The following LMO7 variants were observed in gnomAD, a reference collection of about 807,000 sequenced individuals.
LMO7 encodes the protein LIM domain only protein 7.
A neutral mutation model predicts 206.5 loss-of-function variants in LMO7; 120 were observed. That is an observed-to-expected ratio of 0.58 (90% CI 0.50 to 0.68). LMO7 has a LOEUF of 0.68. Ranked by LOEUF, LMO7 falls within the 30% of genes least tolerant of loss-of-function variation. The probability of loss-of-function intolerance (pLI) is 0.00; values close to 1 mark genes in which losing one functional copy is unlikely to be tolerated. For missense variants in LMO7, 1,959 were observed against 1,957.9 expected, an observed-to-expected ratio of 1.00 and a Z score of -0.01; for synonymous variants, 706 against 681.5, an observed-to-expected ratio of 1.04 and a Z score of -0.56.
chr13:75,814,519 A>G (rs903525909), intron 11 of LMO7, among the ~76,000 whole-genome samples: 1 of 152,208 alleles, frequency 6.6e-6, no homozygotes, highest in Non-Finnish European at 1.5e-5. Flanking sequence ...AGCTGGGAAG[A>G]CTTCATCAAA....
chr13:75,843,923 A>G lies in LMO7; in HGVS notation c.4097+1007A>G, dbSNP rs1268150276. On this transcript the variant is annotated intron_variant, in intron 25 of 30. Coordinates refer to ENST00000377534, the MANE Select transcript of LMO7 (RefSeq NM_001306080.2). ...AAAGGGGAAAAGGAAAGGGACAAGC[A>G]GGTAGTAATGGGCTGACAATAAGCT... 3.3e-5 allele frequency among the ~76,000 whole-genome samples: 5 copies of G among 152,214 alleles called. No individual in the cohort carries two copies. In the South Asian group the frequency reaches 6.2e-4, roughly 19 times the overall value.
Position 75,807,791 on chromosome 13 carries a change from G to T in LMO7, c.1508G>T (p.Arg503Ile). 1 of 1,613,888 alleles carries T rather than the reference G, an allele frequency of 6.2e-7. No homozygotes were observed. Among genetic ancestry groups the T allele is most frequent in the South Asian group, 1.1e-5 (1 of 91,084 alleles). Residue 503 changes from arginine (R) to isoleucine (I), a missense_variant, in exon 10 of 31, where the codon AGA becomes ATA. Physicochemically the swap from Arg to Ile is moderately conservative, Grantham distance 97. Transcript: ENST00000377534. The part of the protein sequence containing the change: ...SVERDIILQC[R>I]EGELVLPDLE... ...GAGCGAGATATAATTTTACAGTGTA[G>T]AGAAGGTGAACTTGTACTTCCGGAT...
Position 75,656,399 on chromosome 13 carries a change from G to A in LMO7, c.69+19673G>A, listed in dbSNP as rs76059296. Among the ~76,000 whole-genome samples, 38 of 152,210 alleles carry A rather than the reference G, an allele frequency of 2.5e-4. No homozygotes were observed. In the East Asian group the frequency reaches 5.8e-3, roughly 23 times the overall value. ...CTGTAGATGCACTATTAATATTATCGTATTTTTGCCCTTCTACCCAGCAAT... is the reference window on the plus strand; with the variant it reads ...CTGTAGATGCACTATTAATATTATCATATTTTTGCCCTTCTACCCAGCAAT... On this transcript the variant is annotated intron_variant, in intron 1 of 30. Transcript: ENST00000377534.
At chr13:75,772,412 C>T (rs73227969) in intron 4 of LMO7, among the ~76,000 whole-genome samples, 2,245 of 152,092 alleles carry the variant, frequency 0.015, 19 homozygotes, top group Middle Eastern at 0.041. Context: ...AAAAATACTG[C>T]CTTTGAGTGA....
intron 25 of LMO7, among the ~76,000 whole-genome samples, chr13:75,844,096 T>C (rs2059773848): frequency 6.6e-6 from 1 of 152,070 alleles, no homozygotes; most frequent in African/African-American, 2.4e-5. Flanking sequence ...TTGGGGAAAA[T>C]AATTAAAATG....
intron 1 of LMO7, among the ~76,000 whole-genome samples, chr13:75,672,985 G>GT (rs1418140677): frequency 1.6e-4 from 24 of 151,890 alleles, no homozygotes; most frequent in African/African-American, 5.3e-4. Flanking sequence ...ATCTAGTTGA[G>GT]TTTATTTTTT....
intron 1 of LMO7, among the ~76,000 whole-genome samples, chr13:75,669,123 A>G (rs2039322228): frequency 6.6e-6 from 1 of 152,226 alleles, no homozygotes. Context: ...TAAGTGCAGT[A>G]ACCAGTAAGA....
intron 4 of LMO7, among the ~76,000 whole-genome samples, chr13:75,784,901 A>C (rs1382293984): frequency 2.0e-5 from 3 of 152,194 alleles, no homozygotes; most frequent in African/African-American, 7.2e-5. Context: ...AGGACCCAGC[A>C]GTGGTAAAAT....
At position 75,849,206 on chromosome 13, in the gene LMO7, A is replaced by G. The variant is rs1241815870; in HGVS notation, c.4278A>G (p.Thr1426=). The G allele has an allele frequency of 1.2e-6, 2 of 1,614,012 alleles. No homozygotes were observed. Among genetic ancestry groups the G allele is most frequent in the Non-Finnish European group, 1.7e-6 (2 of 1,179,898 alleles). The part of the protein sequence containing the change: ...QQILQEMRKR[T]PLHNDNSWIR... The stretch of plus-strand genomic sequence containing the variant: ...TCCTTCAGGAAATGAGGAAGAGAAC[A>G]CCCCTTCACAATGACAACAGCTGGA... Residue 1426 remains threonine (T), a synonymous_variant, in exon 27 of 31, where the codon ACA becomes ACG. Coordinates refer to ENST00000377534, the MANE Select transcript of LMO7 (RefSeq NM_001306080.2).
At chr13:75,772,345 A>G (rs1485703272) in intron 4 of LMO7, among the ~76,000 whole-genome samples, 1 of 152,138 alleles carries the variant, frequency 6.6e-6, no homozygotes, top group Admixed American at 6.5e-5. Context: ...TAACTAGTAG[A>G]TGGGTTAGAT....
chr13:75,671,968 G>A (rs1357692035), intron 1 of LMO7, among the ~76,000 whole-genome samples: 2 of 152,026 alleles, frequency 1.3e-5, no homozygotes, highest in Admixed American at 1.3e-4. Context: ...GAATGCTTTG[G>A]ATATTCTTCA....
At chr13:75,767,339 C>G (rs891546280) in intron 4 of LMO7, among the ~76,000 whole-genome samples, 1 of 151,952 alleles carries the variant, frequency 6.6e-6, no homozygotes, top group Non-Finnish European at 1.5e-5. Flanking sequence ...GGTAGAAAAA[C>G]ATGGTGGTTA....
intron 3 of LMO7, among the ~76,000 whole-genome samples, chr13:75,737,880 T>G (rs2046074494): frequency 8.8e-6 from 1 of 114,064 alleles, no homozygotes; most frequent in African/African-American, 3.8e-5. Flanking sequence ...TACAAAAATG[T>G]CCTCTGTACT....
Position 75,821,551 on chromosome 13 carries a change from C to T in LMO7, c.2582C>T (p.Thr861Ile). Residue 861 changes from threonine to isoleucine, a missense_variant, in exon 14 of 31, where the codon ACA (threonine) becomes ATA (isoleucine). By Grantham distance (89) the Thr-to-Ile change is moderately conservative. Transcript: ENST00000377534. ...TDTVRLTSVV[T>I]PRPFGSQTRG... ...ACAGTCAGGTTAACATCTGTGGTCA[C>T]ACCAAGACCCTTTGGCTCTCAGACA... 6.2e-7 allele frequency: 1 copy of T among 1,614,014 alleles called. No homozygotes were observed. Among genetic ancestry groups the T allele is most frequent in the East Asian group, 2.2e-5 (1 of 44,872 alleles).
At chr13:75,839,135 A>G (rs1459246874) in intron 20 of LMO7, among the ~76,000 whole-genome samples, 1 of 152,144 alleles carries the variant, frequency 6.6e-6, no homozygotes, top group Admixed American at 6.5e-5. Context: ...ATGCAAGTCT[A>G]TTTGTGTCAG....
intron 1 of LMO7, among the ~76,000 whole-genome samples, chr13:75,646,841 T>C (rs2037069531): frequency 6.6e-6 from 1 of 152,212 alleles, no homozygotes; most frequent in Non-Finnish European, 1.5e-5. Context: ...TGCCTCAGCC[T>C]CCCAAAGTGC....
Position 75,853,349 on chromosome 13 carries a change from C to T in LMO7, c.4622C>T (p.Ser1541Phe). ...TTQSPTPRSHSPSASQSGSQL... is the reference protein window; with the variant it reads ...TTQSPTPRSHFPSASQSGSQL... ...CAGTCCCCCACCCCGAGAAGCCATTCCCCTTCAGCTTCACAGTCAGGCTCT... is the reference window on the plus strand; with the variant it reads ...CAGTCCCCCACCCCGAGAAGCCATTTCCCTTCAGCTTCACAGTCAGGCTCT... Residue 1541 changes from serine to phenylalanine, a missense_variant, in exon 28 of 31, where the codon TCC (serine) becomes TTC (phenylalanine). Ser to Phe is a radical substitution (Grantham distance 155, BLOSUM62 -2). Transcript: ENST00000377534. 1 of 1,612,158 alleles carries T rather than the reference C, an allele frequency of 6.2e-7. No homozygotes were observed. The highest frequency in any genetic ancestry group is 1.1e-5 in the South Asian group (1 of 90,742).
intron 3 of LMO7, chr13:75,760,322 C>T (rs2048049876): frequency 1.0e-6 from 1 of 988,304 alleles, no homozygotes; most frequent in African/African-American, 1.7e-5. Flanking sequence ...AGTAATGTGC[C>T]ACACAAACTA....
intron 1 of LMO7, among the ~76,000 whole-genome samples, chr13:75,710,604 G>C (rs984358681): frequency 5.3e-5 from 8 of 151,728 alleles, no homozygotes; most frequent in Non-Finnish European, 1.0e-4. Flanking sequence ...CTGTTTGTCT[G>C]TTATTGGTGT....
Sources: allele counts gnomAD v4.1 joint callset (sites outside exome capture counted in the v4.1 genomes callset), GRCh38; gene constraint gnomAD v4.1.1; transcripts MANE v1.5; gene names NCBI Gene and HGNC (gene_info 2026-07-23, HGNC 2026-07-21).